Variants in IPPK observed in about 807,000 individuals in gnomAD.
The protein encoded by IPPK is IPK1 homolog.
In IPPK, 22 loss-of-function variants were observed where a neutral mutation model predicts 64.6. That is an observed-to-expected ratio of 0.34 (90% CI 0.24 to 0.49). The LOEUF (loss-of-function observed/expected upper bound fraction) is 0.49, where lower values mean the gene tolerates loss of function less well. Ranked by LOEUF, IPPK falls within the 20% of genes least tolerant of loss-of-function variation. The pLI is 0.99. For synonymous variants in IPPK, 262 were observed against 247.2 expected, an observed-to-expected ratio of 1.06 and a Z score of -0.56; for missense variants, 532 against 630.7, an observed-to-expected ratio of 0.84 and a Z score of 1.68.
At chr9:92,655,159 C>A (rs940492812) in intron 3 of IPPK, among the ~76,000 whole-genome samples, 2 of 152,222 alleles carry the variant, frequency 1.3e-5, no homozygotes, top group African/African-American at 4.8e-5. Flanking sequence ...CATCACAGGG[C>A]TGGTTGTATC....
chr9:92,638,089 G>A lies in IPPK; in HGVS notation c.828C>T (p.Gly276=), dbSNP rs1851978104. ...GCCCCGGACTCAGGGTGCCTGCCCGGCCCTTGTCCGAGCCACTCAGCAGCA... is the reference window on the plus strand; with the variant it reads ...GCCCCGGACTCAGGGTGCCTGCCCGACCCTTGTCCGAGCCACTCAGCAGCA... ...TRVLLSGSDK[G]RAGTLSPGLG... is the part of the protein sequence containing the mutation. The change falls in exon 9 of 13, where the codon GGC becomes GGT. Residue 276 remains glycine, a synonymous_variant. Transcript: ENST00000287996. The A allele has an allele frequency of 1.2e-6, 2 of 1,613,460 alleles. No individual in the cohort carries two copies. The highest frequency in any genetic ancestry group is 4.5e-5 in the East Asian group (2 of 44,862).
At chr9:92,649,646 G>T in intron 4 of IPPK, 72 bp from the exon 5 acceptor site, 1 of 1,569,392 alleles carries the variant, frequency 6.4e-7, no homozygotes, top group Non-Finnish European at 8.7e-7. Context: ...CCCAAAACAG[G>T]CCCCGCCTTG....
intron 4 of IPPK, among the ~76,000 whole-genome samples, chr9:92,651,695 T>C (rs1382522153): frequency 6.6e-5 from 10 of 152,214 alleles, no homozygotes; most frequent in Non-Finnish European, 1.5e-4. Context: ...CATGTTGTTT[T>C]CTGTGGTATT....
chr9:92,664,727 G>A (rs528102547), intron 1 of IPPK, among the ~76,000 whole-genome samples: 113 of 152,306 alleles, frequency 7.4e-4, no homozygotes, highest in African/African-American at 2.6e-3. Flanking sequence ...TCTCCCAACC[G>A]CTTGGCAACA....
In IPPK at chr9:92,666,397, G is replaced by A. The variant is rs143887933; in HGVS notation, c.81+3511C>T. Among the ~76,000 whole-genome samples the A allele has an allele frequency of 7.7e-3, 1,177 of 152,294 alleles. 7 individuals carry two copies. Among genetic ancestry groups the A allele is most frequent in the Non-Finnish European group, 0.013 (862 of 68,020 alleles). ...GCGTCACACAGGAGAGAAATCCTGC[G>A]GCAGTGCATAAAGGGGCAACCTGTG... On this transcript the variant is annotated intron_variant, in intron 1 of 12. Transcript: ENST00000287996.
intron 7 of IPPK, among the ~76,000 whole-genome samples, 158 bp downstream of exon 7, chr9:92,642,594 G>A (rs945336390): frequency 6.6e-6 from 1 of 152,208 alleles, no homozygotes; most frequent in African/African-American, 2.4e-5. Flanking sequence ...AAAGCCCCAG[G>A]TGTCTACAGC....
Position 92,666,076 on chromosome 9 carries a change from T to C in IPPK, c.81+3832A>G, listed in dbSNP as rs141686518. ...GGAAGTGAGCAGCTTTGTCCACACA[T>C]GTGATCAATTTAGTTGGCTGGTAAG... On this transcript the variant is annotated intron_variant, in intron 1 of 12. Coordinates refer to ENST00000287996, the MANE Select transcript of IPPK (RefSeq NM_022755.6). Among the ~76,000 whole-genome samples, 733 of 152,274 alleles carry C rather than the reference T, an allele frequency of 4.8e-3. 6 individuals are homozygous for C. Among genetic ancestry groups the C allele is most frequent in the African/African-American group, 0.017 (712 of 41,560 alleles).
chr9:92,613,300 G>A lies in IPPK; in HGVS notation c.*2532C>T, dbSNP rs1214303293. ...TGGCACATTATATGGAAACTCTCAT[G>A]ACATGAAAAATAAATACAACTAGTT... On this transcript the variant is annotated 3_prime_UTR_variant, in exon 13 of 13. Coordinates refer to ENST00000287996, the MANE Select transcript of IPPK (RefSeq NM_022755.6). 2 of 800,450 alleles carry A rather than the reference G, an allele frequency of 2.5e-6. No homozygotes were observed. The highest frequency in any genetic ancestry group is 1.7e-5 in the African/African-American group (1 of 57,526). The allele number at this position is 800,450 out of a possible 1,614,324, so 49.6% of individuals were successfully genotyped here.
intron 3 of IPPK, 85 bp downstream of exon 3, chr9:92,656,371 C>G: frequency 1.1e-6 from 1 of 874,912 alleles, no homozygotes; most frequent in Non-Finnish European, 2.0e-6. Context: ...TATCATTAAG[C>G]ACAAAGTTCC....
At chr9:92,624,807 G>A (rs555762729) in intron 11 of IPPK, among the ~76,000 whole-genome samples, 1 of 152,128 alleles carries the variant, frequency 6.6e-6, no homozygotes, top group Non-Finnish European at 1.5e-5. Context: ...TCCATTCATG[G>A]ATCACTCTAA....
chr9:92,644,903 C>CA (rs1449733020), intron 6 of IPPK, among the ~76,000 whole-genome samples: 2 of 151,942 alleles, frequency 1.3e-5, no homozygotes, highest in South Asian at 2.1e-4. Context: ...CCATATACAA[C>CA]AAAAAAAGCA....
chr9:92,634,360 G>C (rs759098224), intron 11 of IPPK, 26 bp downstream of exon 11: 2 of 1,520,672 alleles, frequency 1.3e-6, no homozygotes, highest in Non-Finnish European at 1.8e-6. Context: ...GGATCACACA[G>C]CAAGTTTTTG....
intron 4 of IPPK, among the ~76,000 whole-genome samples, chr9:92,651,272 C>T (rs771857841): frequency 2.9e-4 from 44 of 152,184 alleles, no homozygotes; most frequent in African/African-American, 5.3e-4. Context: ...GGCTGTGCTC[C>T]GGGCAGAGGC....
At chr9:92,630,357 G>A (rs1158309821) in intron 11 of IPPK, among the ~76,000 whole-genome samples, 1 of 152,236 alleles carries the variant, frequency 6.6e-6, no homozygotes, top group Non-Finnish European at 1.5e-5. Context: ...AAAGTAGACA[G>A]GTAGTTGCCT....
chr9:92,660,889 G>GA (rs1417841660), intron 1 of IPPK, among the ~76,000 whole-genome samples: 5 of 152,112 alleles, frequency 3.3e-5, no homozygotes, highest in Non-Finnish European at 7.4e-5. Context: ...GGCTTATGAA[G>GA]AAAAAATTTT....
intron 1 of IPPK, among the ~76,000 whole-genome samples, chr9:92,668,086 G>A (rs775943692): frequency 3.3e-5 from 5 of 151,990 alleles, no homozygotes; most frequent in African/African-American, 1.2e-4. Flanking sequence ...TGGTCAACAC[G>A]GTGAAACCTC....
At chr9:92,643,564 T>C (rs1015828769) in intron 6 of IPPK, among the ~76,000 whole-genome samples, 5 of 149,260 alleles carry the variant, frequency 3.3e-5, no homozygotes, top group Non-Finnish European at 7.4e-5. Flanking sequence ...GGCAGAACAA[T>C]GGATACAGTG....
In IPPK at chr9:92,615,855, T is replaced by G. The variant is rs749757732; in HGVS notation, c.1453A>C (p.Thr485Pro). Residue 485 changes from threonine to proline, a missense_variant, in exon 13 of 13, where the codon ACA becomes CCA. Transcript: ENST00000287996. The part of the protein sequence containing the change: ...STRFKESEDC[T>P]LVLHKV ...AGTTAGACCTTGTGGAGAACTAATGTGCAATCTTCGCTTTCCTTGAACCGA... is the reference window on the plus strand; with the variant it reads ...AGTTAGACCTTGTGGAGAACTAATGGGCAATCTTCGCTTTCCTTGAACCGA... 1 of 1,613,944 alleles carries G rather than the reference T, an allele frequency of 6.2e-7. No homozygotes were observed. The highest frequency in any genetic ancestry group is 8.5e-7 in the Non-Finnish European group (1 of 1,179,776).
chr9:92,669,780 C>A, intron 1 of IPPK, 128 bp downstream of exon 1: 1 of 639,312 alleles, frequency 1.6e-6, no homozygotes. Context: ...TTCCGGAGAC[C>A]GGCCGGGGAG....
Sources: allele counts gnomAD v4.1 joint callset (sites outside exome capture counted in the v4.1 genomes callset), GRCh38; gene constraint gnomAD v4.1.1; transcripts MANE v1.5; gene names NCBI Gene and HGNC (gene_info 2026-07-23, HGNC 2026-07-21).